The following TULP4 variants were observed in gnomAD, a reference collection of about 807,000 sequenced individuals.
The protein encoded by TULP4 is tubby-related protein 4.
TULP4 carries 16 observed loss-of-function variants against 129.0 expected under a neutral mutation model. The ratio of observed to expected loss-of-function variants is 0.12; its 90% CI spans 0.08 to 0.19. TULP4 has a LOEUF of 0.19. TULP4 is among the 10% of genes least tolerant of loss of function. The pLI, the probability that TULP4 is intolerant of heterozygous loss-of-function variation, is 1.00. For synonymous variants in TULP4, 998 were observed against 854.0 expected (o/e 1.17, Z -2.94); for missense variants, 1,842 against 2,059.1 (o/e 0.89, Z 2.04).
upstream of TULP4, among the ~76,000 whole-genome samples, chr6:158,308,703 G>A (rs1469908459): frequency 1.1e-4 from 16 of 148,402 alleles, no homozygotes; most frequent in South Asian, 2.1e-4. Flanking sequence ...CAGTAGGGGC[G>A]GCCGGGCAGA....
At chr6:158,462,073 G>T (rs959728910) in intron 6 of TULP4, among the ~76,000 whole-genome samples, 1 of 152,092 alleles carries the variant, frequency 6.6e-6, no homozygotes, top group Non-Finnish European at 1.5e-5. Context: ...TTCTTAGCAG[G>T]ACTCCCCATT....
At chr6:158,390,166 A>G (rs180963253) in intron 1 of TULP4, among the ~76,000 whole-genome samples, 1 of 152,340 alleles carries the variant, frequency 6.6e-6, no homozygotes, top group Non-Finnish European at 1.5e-5. Flanking sequence ...TAACTTCTCT[A>G]GTATCCAAAG....
At position 158,502,823 on chromosome 6, in the gene TULP4, G is replaced by T. The variant is rs772470643; in HGVS notation, c.3160G>T (p.Ala1054Ser). The T allele has an allele frequency of 1.9e-6, 3 of 1,612,588 alleles. No individual in the cohort carries two copies. Among genetic ancestry groups the T allele is most frequent in the Non-Finnish European group, 1.7e-6 (2 of 1,179,878 alleles). Residue 1054 changes from alanine (A) to serine (S), a missense_variant, in exon 13 of 14, where the codon GCC (alanine) becomes TCC (serine). Physicochemically the swap from Ala to Ser is moderately conservative, Grantham distance 99. This residue lies in a region of TULP4 where 1,089 missense variants were observed against 987.1 expected (regional missense o/e 1.10). Transcript: ENST00000367097. ...CAGCTCACAGCCCGGAGCCTCCCTG[G>T]CCCATACCGCCAGCGCCTCCCCGTT... ...GPSSQPGASL[A>S]HTASASPLAS... is the part of the protein sequence containing the mutation.
intron 1 of TULP4, among the ~76,000 whole-genome samples, chr6:158,322,214 A>C (rs1280209048): frequency 6.6e-6 from 1 of 152,258 alleles, no homozygotes; most frequent in African/African-American, 2.4e-5. Flanking sequence ...CAGCTCTTTT[A>C]TCTCTCATAA....
intron 1 of TULP4, among the ~76,000 whole-genome samples, chr6:158,266,244 T>A (rs2128459606): frequency 6.6e-6 from 1 of 152,338 alleles, no homozygotes; most frequent in Non-Finnish European, 1.5e-5. Flanking sequence ...TTTTGAAAAA[T>A]TTTTTATTGT....
chr6:158,440,335 A>G (rs1778861793), intron 3 of TULP4, among the ~76,000 whole-genome samples: 1 of 150,334 alleles, frequency 6.7e-6, no homozygotes, highest in African/African-American at 2.5e-5. Flanking sequence ...AAAAAAAAAA[A>G]AAAAAATCCA....
chr6:158,264,792 C>T, intron 1 of TULP4, among the ~76,000 whole-genome samples: 1 of 152,312 alleles, frequency 6.6e-6, no homozygotes, highest in Middle Eastern at 3.4e-3. Context: ...CTCCATGCCT[C>T]TAAGTTCTAC....
At chr6:158,470,118 G>A (rs1779645389) in intron 6 of TULP4, among the ~76,000 whole-genome samples, 1 of 152,214 alleles carries the variant, frequency 6.6e-6, no homozygotes, top group Non-Finnish European at 1.5e-5. Flanking sequence ...CAGTCACTTA[G>A]CCGTGCAGGA....
intron 1 of TULP4, among the ~76,000 whole-genome samples, chr6:158,357,281 C>T (rs927532871): frequency 2.6e-5 from 4 of 152,186 alleles, no homozygotes; most frequent in Admixed American, 6.5e-5. Flanking sequence ...TTTAATGAAA[C>T]GTGACAGGAT....
At chr6:158,422,901 G>C (rs550583924) in intron 2 of TULP4, among the ~76,000 whole-genome samples, 2 of 152,366 alleles carry the variant, frequency 1.3e-5, no homozygotes, top group South Asian at 4.1e-4. Context: ...AGGAACACCT[G>C]GGACAAGGGC....
At chr6:158,471,856 ATTGT>A (rs1348537598) in intron 6 of TULP4, among the ~76,000 whole-genome samples, 3 of 152,200 alleles carry the variant, frequency 2.0e-5, no homozygotes, top group South Asian at 4.1e-4. Context: ...CTTTCTGTTG[ATTGT>A]TTGAACCTGT....
intron 1 of TULP4, among the ~76,000 whole-genome samples, chr6:158,253,343 A>G (rs1778179339): frequency 6.6e-6 from 1 of 152,184 alleles, no homozygotes. Flanking sequence ...CTGAATAAAC[A>G]CGTGTCTTAC....
chr6:158,446,471 T>G (rs12212878), intron 3 of TULP4, among the ~76,000 whole-genome samples: 1 of 152,194 alleles, frequency 6.6e-6, no homozygotes, highest in Non-Finnish European at 1.5e-5. Context: ...ATTATATGTA[T>G]GTTCTTTCAT....
At chr6:158,462,852 C>T (rs1201741681) in intron 6 of TULP4, among the ~76,000 whole-genome samples, 1 of 150,704 alleles carries the variant, frequency 6.6e-6, no homozygotes, top group African/African-American at 2.4e-5. Flanking sequence ...CGGGTTCAAG[C>T]AATTCTCCTG....
At chr6:158,479,638 C>T (rs947586102) in intron 6 of TULP4, 113 bp from the exon 7 acceptor site, 10 of 948,166 alleles carry the variant, frequency 1.1e-5, no homozygotes, top group African/African-American at 3.3e-5. Context: ...CTTTTAAAAC[C>T]AGTATTCTCA....
chr6:158,239,264 C>A (rs1250503589), intron 1 of TULP4, among the ~76,000 whole-genome samples: 2 of 55,242 alleles, frequency 3.6e-5, no homozygotes, highest in African/African-American at 6.3e-5. Flanking sequence ...CCGGACCGGG[C>A]GGCTGGCCGG....
intron 6 of TULP4, 99 bp from the exon 7 acceptor site, chr6:158,479,652 C>G: frequency 9.0e-7 from 1 of 1,113,932 alleles, no homozygotes; most frequent in Non-Finnish European, 1.3e-6. Context: ...ATTCTCAAAA[C>G]AGCTTATTTT....
rs1779011672 is a variant in TULP4 at position 158,445,347 on chromosome 6, G to T, written c.544-3649G>T. Among the ~76,000 whole-genome samples, 3 of 152,172 alleles carry T rather than the reference G, an allele frequency of 2.0e-5. No homozygotes were observed. In the South Asian group the frequency reaches 6.2e-4, roughly 32 times the overall value. ...ACAGAAATGTACATGATTCATCCTT[G>T]AAAGTGTTTTTGGGGGGTAGTTTTA... On this transcript the variant is annotated intron_variant, in intron 3 of 13. Transcript: ENST00000367097.
chr6:158,239,996 A>T (rs1363829975), intron 1 of TULP4, among the ~76,000 whole-genome samples: 2 of 62,558 alleles, frequency 3.2e-5, no homozygotes, highest in East Asian at 4.8e-4. Flanking sequence ...CGGGGGGCTG[A>T]CCCCCCCACC....
Sources: allele counts gnomAD v4.1 joint callset (sites outside exome capture counted in the v4.1 genomes callset), GRCh38; gene constraint gnomAD v4.1.1; regional missense constraint gnomAD v4.1.1; transcripts MANE v1.5; gene names NCBI Gene and HGNC (gene_info 2026-07-23, HGNC 2026-07-21).